Variants in ASCC3 observed in about 807,000 individuals in gnomAD.
ASCC3 encodes the protein activating signal cointegrator 1 complex subunit 3.
In ASCC3, 158 loss-of-function variants were observed where a neutral mutation model predicts 256.3. The observed-to-expected ratio is 0.62, with a 90% CI of 0.54 to 0.70. The LOEUF (loss-of-function observed/expected upper bound fraction) is 0.70. Among genes scored for constraint, ASCC3 ranks in the 30% least tolerant of loss-of-function variants. The pLI is 0.00. For missense variants in ASCC3, 2,259 were observed against 2,626.0 expected, an observed-to-expected ratio of 0.86 and a Z score of 3.05; for synonymous variants, 948 against 883.4, an observed-to-expected ratio of 1.07 and a Z score of -1.30.
chr6:100,870,430 A>G (rs1436728839), intron 1 of ASCC3, among the ~76,000 whole-genome samples: 1 of 152,100 alleles, frequency 6.6e-6, no homozygotes, highest in Non-Finnish European at 1.5e-5. Flanking sequence ...TTTTTTAAAA[A>G]TGACACTTTA....
intron 11 of ASCC3, among the ~76,000 whole-genome samples, chr6:100,721,089 T>A (rs906749343): frequency 6.6e-6 from 1 of 151,514 alleles, no homozygotes; most frequent in Non-Finnish European, 1.5e-5. Context: ...TCTATGTGTC[T>A]TTGTACATAC....
intron 4 of ASCC3, among the ~76,000 whole-genome samples, chr6:100,809,602 G>C (rs1770361549): frequency 6.6e-6 from 1 of 151,976 alleles, no homozygotes; most frequent in South Asian, 2.1e-4. Context: ...AATACCAATA[G>C]ACATAAACCA....
chr6:100,859,126 T>C (rs751819823), intron 3 of ASCC3: 1 of 780,076 alleles, frequency 1.3e-6, no homozygotes, highest in Non-Finnish European at 2.4e-6. Flanking sequence ...GTCCTCTGAA[T>C]CTGTCAGAAG....
intron 36 of ASCC3, among the ~76,000 whole-genome samples, chr6:100,568,510 T>C (rs1220752557): frequency 6.6e-6 from 1 of 152,078 alleles, no homozygotes. Flanking sequence ...GAAGTGTCTG[T>C]TCATGTCTTT....
At chr6:100,576,820 A>T (rs13206174) in intron 36 of ASCC3, among the ~76,000 whole-genome samples, 1 of 151,942 alleles carries the variant, frequency 6.6e-6, no homozygotes, top group Non-Finnish European at 1.5e-5. Context: ...TTTAAGGATG[A>T]CAATATCTAA....
At chr6:100,568,608 G>A (rs1032840053) in intron 36 of ASCC3, among the ~76,000 whole-genome samples, 19 of 151,368 alleles carry the variant, frequency 1.3e-4, no homozygotes, top group African/African-American at 4.9e-5. Context: ...GACCTTTCTT[G>A]GACACATGGT....
intron 41 of ASCC3, among the ~76,000 whole-genome samples, 198 bp downstream of exon 41, chr6:100,509,734 A>C (rs1165844314): frequency 6.6e-6 from 1 of 152,082 alleles, no homozygotes; most frequent in Non-Finnish European, 1.5e-5. Flanking sequence ...TAAAAATACA[A>C]AAAATTAGCC....
chr6:100,642,664 G>C lies in ASCC3; in HGVS notation c.3818C>G (p.Ser1273Cys). The change falls in exon 24 of 42, where the codon TCT (serine) becomes TGT (cysteine). Residue 1273 changes from serine (S) to cysteine (C), a missense_variant. By Grantham distance (112) the Ser-to-Cys change is moderately radical. Coordinates refer to ENST00000369162, the MANE Select transcript of ASCC3 (RefSeq NM_006828.4). ...TGCCTCAGCACCCAACCATCTATCA[G>C]ACACTGCTCGGATGTAGTATTGGGA... ...LPSQYYIRAV[S>C]DRWLGAEAVC... is the part of the protein sequence containing the mutation. 6.2e-7 allele frequency: 1 copy of C among 1,613,946 alleles called. No individual in the cohort carries two copies. Among genetic ancestry groups the C allele is most frequent in the Non-Finnish European group, 8.5e-7 (1 of 1,179,882 alleles).
chr6:100,604,282 T>A (rs1446745090), intron 33 of ASCC3, among the ~76,000 whole-genome samples: 1 of 152,126 alleles, frequency 6.6e-6, no homozygotes, highest in Non-Finnish European at 1.5e-5. Flanking sequence ...CTAAAAAATT[T>A]ATCAATTTTA....
At chr6:100,669,809 A>G (rs1472765116) in intron 14 of ASCC3, among the ~76,000 whole-genome samples, 1 of 151,948 alleles carries the variant, frequency 6.6e-6, no homozygotes, top group Non-Finnish European at 1.5e-5. Context: ...AAATTTTTTA[A>G]TCAACAGAAA....
intron 22 of ASCC3, among the ~76,000 whole-genome samples, chr6:100,644,929 A>C (rs1426849331): frequency 6.6e-6 from 1 of 152,226 alleles, no homozygotes; most frequent in African/African-American, 2.4e-5. Flanking sequence ...CAAATGGGTG[A>C]AAAGTTCCTG....
At chr6:100,841,456 T>C (rs1485862652) in intron 4 of ASCC3, among the ~76,000 whole-genome samples, 1 of 152,108 alleles carries the variant, frequency 6.6e-6, no homozygotes, top group South Asian at 2.1e-4. Flanking sequence ...CATCAACAAA[T>C]GGCAATGTGA....
intron 22 of ASCC3, among the ~76,000 whole-genome samples, chr6:100,645,549 A>G (rs1775338006): frequency 6.6e-6 from 1 of 152,108 alleles, no homozygotes; most frequent in South Asian, 2.1e-4. Flanking sequence ...GAACTTTACA[A>G]TAACGTGTGA....
At chr6:100,658,735 A>C (rs2114925994) in intron 16 of ASCC3, among the ~76,000 whole-genome samples, 1 of 151,584 alleles carries the variant, frequency 6.6e-6, no homozygotes, top group Non-Finnish European at 1.5e-5. Context: ...AATTGTAGCC[A>C]GAATTACAAG....
intron 4 of ASCC3, among the ~76,000 whole-genome samples, chr6:100,841,550 G>A (rs1014042505): frequency 1.3e-5 from 2 of 152,052 alleles, no homozygotes; most frequent in Admixed American, 6.6e-5. Flanking sequence ...CAAAGCAACT[G>A]GAAGTGTGAC....
At chr6:100,581,467 T>A (rs867748501) in intron 36 of ASCC3, among the ~76,000 whole-genome samples, 219 of 152,312 alleles carry the variant, frequency 1.4e-3, no homozygotes, top group African/African-American at 5.0e-3. Flanking sequence ...AAGTTCATTG[T>A]AGATTCTGGA....
intron 13 of ASCC3, among the ~76,000 whole-genome samples, chr6:100,687,034 TCACACACACACACA>T (rs71028030): frequency 2.3e-5 from 3 of 130,564 alleles, no homozygotes; most frequent in Non-Finnish European, 4.8e-5. Flanking sequence ...TCTCTCTCTC[TCACACACACACACA>T]CACACACACA....
chr6:100,642,503 G>A lies in ASCC3; in HGVS notation c.3901+78C>T, dbSNP rs1406038257. ...TGATTACAAGTAAAACTTTATTACG[G>A]TGTAGACATTTTTCAACATTAATTA... On this transcript the variant is annotated intron_variant, in intron 24 of 41. Coordinates refer to ENST00000369162, the MANE Select transcript of ASCC3 (RefSeq NM_006828.4). 17 of 1,428,670 alleles carry A rather than the reference G, an allele frequency of 1.2e-5. No individual in the cohort carries two copies. The Admixed American group carries it at 2.0e-4, about 17-fold the overall frequency. 88.5% of individuals were successfully genotyped at this position (1,428,670 alleles called of 1,614,324 possible). A position where few individuals can be genotyped will look rare whatever the true frequency, so the allele number is the denominator to read the frequency against.
intron 39 of ASCC3, among the ~76,000 whole-genome samples, chr6:100,515,075 TA>T (rs1427944664): frequency 6.6e-6 from 1 of 152,210 alleles, no homozygotes; most frequent in African/African-American, 2.4e-5. Flanking sequence ...ATAAATTAAG[TA>T]AGTTTACTTC....
Sources: gnomAD v4.1 joint callset for allele counts (sites outside exome capture counted in the v4.1 genomes callset) on GRCh38, gnomAD v4.1.1 for gene constraint, MANE v1.5 for transcripts, NCBI Gene and HGNC (gene_info 2026-07-23, HGNC 2026-07-21) for gene names.